The following PTPRK variants were observed in gnomAD, a reference collection of about 807,000 sequenced individuals.
PTPRK encodes receptor-type tyrosine-protein phosphatase kappa.
PTPRK carries 75 observed loss-of-function variants against 178.0 expected under a neutral mutation model. The observed-to-expected ratio is 0.42, with a 90% CI of 0.35 to 0.51. PTPRK has a LOEUF of 0.51. Among genes scored for constraint, PTPRK ranks in the 20% least tolerant of loss-of-function variants. The pLI, the probability that PTPRK is intolerant of heterozygous loss-of-function variation, is 0.02. For synonymous variants in PTPRK, 637 were observed against 620.6 expected (o/e 1.03, Z -0.39); for missense variants, 1,441 against 1,797.8 (o/e 0.80, Z 3.59).
chr6:128,069,408 T>C (rs995444624), intron 11 of PTPRK, among the ~76,000 whole-genome samples: 1 of 152,174 alleles, frequency 6.6e-6, no homozygotes, highest in African/African-American at 2.4e-5. Flanking sequence ...GCATGGTCTC[T>C]GAGGCATCCA....
chr6:128,232,101 A>G (rs959501868), intron 5 of PTPRK: 9 of 152,128 alleles, frequency 5.9e-5, no homozygotes, highest in African/African-American at 2.2e-4. Context: ...TCCACTCCTC[A>G]TGGTGAACCT....
chr6:128,423,999 T>C (rs1404671515), intron 1 of PTPRK, among the ~76,000 whole-genome samples: 7 of 150,898 alleles, frequency 4.6e-5, no homozygotes, highest in Non-Finnish European at 8.8e-5. Flanking sequence ...GGCAGGAGGA[T>C]TGCTTGAGGC....
chr6:128,349,727 G>T (rs1832873731), intron 2 of PTPRK, among the ~76,000 whole-genome samples: 1 of 152,230 alleles, frequency 6.6e-6, no homozygotes, highest in Non-Finnish European at 1.5e-5. Flanking sequence ...GCTGTTGAAA[G>T]GGTATAGGCG....
intron 7 of PTPRK, among the ~76,000 whole-genome samples, chr6:128,101,565 A>G (rs1482269730): frequency 1.3e-5 from 2 of 152,256 alleles, no homozygotes; most frequent in Admixed American, 6.5e-5. Context: ...TCTTGCTACC[A>G]TTAATATTCA....
chr6:128,506,659 CAAAAA>C (rs60473661), intron 1 of PTPRK, among the ~76,000 whole-genome samples: 7 of 53,092 alleles, frequency 1.3e-4, no homozygotes, highest in African/African-American at 4.1e-4. Flanking sequence ...AACTCTGTCT[CAAAAA>C]AAAAAAAAAA....
intron 1 of PTPRK, among the ~76,000 whole-genome samples, chr6:128,515,004 A>G (rs1857745827): frequency 6.6e-6 from 1 of 152,244 alleles, no homozygotes; most frequent in African/African-American, 2.4e-5. Flanking sequence ...ACGTTTCTTT[A>G]GGAGTATTTT....
At chr6:128,081,475 A>G (rs761592920) in intron 10 of PTPRK, among the ~76,000 whole-genome samples, 3 of 152,036 alleles carry the variant, frequency 2.0e-5, no homozygotes, top group Non-Finnish European at 4.4e-5. Flanking sequence ...TTTGGAAAGT[A>G]CATGTCTTCC....
At chr6:128,515,231 T>C (rs1857792445) in intron 1 of PTPRK, among the ~76,000 whole-genome samples, 1 of 152,232 alleles carries the variant, frequency 6.6e-6, no homozygotes, top group Admixed American at 6.5e-5. Flanking sequence ...AACAAATAAA[T>C]GTTCTGTGAC....
intron 7 of PTPRK, among the ~76,000 whole-genome samples, chr6:128,153,471 C>T (rs1375571658): frequency 6.6e-6 from 1 of 151,922 alleles, no homozygotes; most frequent in Non-Finnish European, 1.5e-5. Context: ...TACATATATG[C>T]TATCAAAAGA....
intron 15 of PTPRK, chr6:128,000,418 T>C (rs1444181361): frequency 7.0e-6 from 6 of 854,550 alleles, no homozygotes; most frequent in Non-Finnish European, 9.1e-6. Context: ...TACTCCCTCT[T>C]ATTAAGCTGA....
At chr6:128,389,141 T>C (rs1004098984) in intron 2 of PTPRK, among the ~76,000 whole-genome samples, 1 of 152,114 alleles carries the variant, frequency 6.6e-6, no homozygotes, top group Non-Finnish European at 1.5e-5. Context: ...ATGTTCACTT[T>C]TCATTGAAAA....
At chr6:128,073,699 C>A (rs1783249008) in intron 11 of PTPRK, among the ~76,000 whole-genome samples, 1 of 151,924 alleles carries the variant, frequency 6.6e-6, no homozygotes, top group Admixed American at 6.6e-5. Flanking sequence ...GAAGATTTAA[C>A]AAGAAGGGCA....
intron 3 of PTPRK, among the ~76,000 whole-genome samples, chr6:128,302,521 T>C (rs1380338591): frequency 1.3e-5 from 2 of 151,852 alleles, no homozygotes. Flanking sequence ...AAACCAGTCT[T>C]CTAGGCTAAA....
intron 3 of PTPRK, among the ~76,000 whole-genome samples, chr6:128,256,273 AC>A (rs934420234): frequency 7.2e-5 from 11 of 152,142 alleles, no homozygotes; most frequent in African/African-American, 2.7e-4. Flanking sequence ...AGAGAAAGCG[AC>A]CTTTGAAACA....
chr6:128,240,180 T>G, intron 4 of PTPRK, 30 bp from the exon 5 acceptor site: 1 of 1,483,766 alleles, frequency 6.7e-7, no homozygotes, highest in Non-Finnish European at 9.4e-7. Context: ...AAAATGTATT[T>G]GTTTTCACAT....
intron 13 of PTPRK, among the ~76,000 whole-genome samples, chr6:128,041,159 C>T (rs868123057): frequency 4.6e-5 from 7 of 151,750 alleles, no homozygotes; most frequent in South Asian, 2.1e-4. Flanking sequence ...TTGAGAAAAC[C>T]GATCACACAA....
Position 128,505,878 on chromosome 6 carries a change from A to G in PTPRK, c.100+14381T>C, listed in dbSNP as rs138475495. On this transcript the variant is annotated intron_variant, in intron 1 of 29. Transcript: ENST00000368226. The stretch of plus-strand genomic sequence containing the variant: ...AAAACTTTAGCCAGACCTTTCCACC[A>G]TGTGCCAGGACTAAGTGGCTTTACC... Among the ~76,000 whole-genome samples the G allele has an allele frequency of 2.6e-5, 4 of 152,366 alleles. No individual in the cohort carries two copies. In the East Asian group the frequency reaches 7.7e-4, roughly 29 times the overall value.
intron 11 of PTPRK, among the ~76,000 whole-genome samples, chr6:128,069,300 G>C (rs1782397102): frequency 6.6e-6 from 1 of 152,062 alleles, no homozygotes; most frequent in Non-Finnish European, 1.5e-5. Flanking sequence ...GAGCAAGCAA[G>C]GCAGAAGTCT....
intron 1 of PTPRK, among the ~76,000 whole-genome samples, chr6:128,424,048 C>G (rs867730111): frequency 6.7e-6 from 1 of 149,012 alleles, no homozygotes; most frequent in Non-Finnish European, 1.5e-5. Context: ...AGAGAGACAC[C>G]TAGTCCCTAC....
Sources: allele counts gnomAD v4.1 joint callset (sites outside exome capture counted in the v4.1 genomes callset), GRCh38; gene constraint gnomAD v4.1.1; transcripts MANE v1.5; gene names NCBI Gene and HGNC (gene_info 2026-07-23, HGNC 2026-07-21).